DIS3L: variants seen among roughly 807,000 people sequenced by gnomAD.
DIS3L encodes DIS3 like exosome 3'-5' exoribonuclease.
A neutral mutation model predicts 120.3 loss-of-function variants in DIS3L; 100 were observed. That is an observed-to-expected ratio of 0.83 (90% CI 0.71 to 0.98). DIS3L has a LOEUF of 0.98. Among genes scored for constraint, DIS3L ranks in the 50% least tolerant of loss-of-function variants. DIS3L has a pLI of 0.00. For synonymous variants in DIS3L, 426 were observed against 470.6 expected, an observed-to-expected ratio of 0.91 and a Z score of 1.23; for missense variants, 1,196 against 1,314.2, an observed-to-expected ratio of 0.91 and a Z score of 1.39.
In DIS3L at chr15:66,314,032, A is replaced by G; in HGVS notation, c.736-7A>G. On this transcript the variant is annotated splice_region_variant and splice_polypyrimidine_tract_variant and intron_variant, in intron 5 of 16. Transcript: ENST00000319212. Reference sequence around the variant, plus strand: ...TTTCATATTGATTTTTTAAATTATGATTTTAGGGAATTCTGAATGTCAACA... The same window carrying G: ...TTTCATATTGATTTTTTAAATTATGGTTTTAGGGAATTCTGAATGTCAACA... 1 of 1,544,570 alleles carries G rather than the reference A, an allele frequency of 6.5e-7. No individual in the cohort carries two copies. Among genetic ancestry groups the G allele is most frequent in the East Asian group, 2.4e-5 (1 of 41,432 alleles).
At chr15:66,294,483 C>G (rs575243188) in intron 1 of DIS3L, 1 of 986,474 alleles carries the variant, frequency 1.0e-6, no homozygotes, top group Non-Finnish European at 1.2e-6. Flanking sequence ...CTAACCAGCT[C>G]TCAGATGCAG....
rs2092899709 is a variant in DIS3L at position 66,322,833 on chromosome 15, C to T, written c.1473C>T (p.Val491=). 1.2e-6 allele frequency: 2 copies of T among 1,614,056 alleles called. No homozygotes were observed. The highest frequency in any genetic ancestry group is 1.3e-5 in the African/African-American group (1 of 74,924). Residue 491 remains valine (V), a synonymous_variant, in exon 10 of 17, where the codon GTC becomes GTT. Coordinates refer to ENST00000319212, the MANE Select transcript of DIS3L (RefSeq NM_001143688.3). ...AAGATGTGGATGACACACTCTCAGT[C>T]AGAACCTTAAATAATGGCAACCTGG... The part of the protein sequence containing the change: ...GCEDVDDTLS[V]RTLNNGNLEL...
chr15:66,319,918 C>T (rs1363081104), intron 8 of DIS3L, among the ~76,000 whole-genome samples: 1 of 149,274 alleles, frequency 6.7e-6, no homozygotes, highest in African/African-American at 2.5e-5. Context: ...AGTTCAAGAC[C>T]AGCCTGGCCA....
chr15:66,332,903 A>G lies in DIS3L; in HGVS notation c.2849A>G (p.His950Arg), dbSNP rs530652814. ...TCTGTTACGTTCCATTTGTTTGACC[A>G]TGTAACCGTAAGTCTGTGTTTCTAT... ...GESVTFHLFD[H>R]VTVRISIQAS... is the part of the protein sequence containing the mutation. The change falls in exon 16 of 17, where the codon CAT becomes CGT. Residue 950 changes from histidine (H) to arginine (R), a missense_variant. Transcript: ENST00000319212. 6 of 1,610,590 alleles carry G rather than the reference A, an allele frequency of 3.7e-6. No homozygotes were observed. The African/African-American group carries it at 4.0e-5, about 11-fold the overall frequency.
intron 7 of DIS3L, 65 bp from the exon 8 acceptor site, chr15:66,318,383 GT>G: frequency 6.6e-7 from 1 of 1,522,498 alleles, no homozygotes; most frequent in South Asian, 1.2e-5. Flanking sequence ...ACTGCTTGAG[GT>G]GGTCAGAGTC....
intron 14 of DIS3L, chr15:66,331,342 T>A (rs1172294153): frequency 6.6e-6 from 1 of 152,006 alleles, no homozygotes; most frequent in Non-Finnish European, 1.5e-5. Flanking sequence ...GATCACGAGG[T>A]CAGGAGATCA....
Position 66,293,694 on chromosome 15 carries a change from G to T in DIS3L, c.98G>T (p.Cys33Phe). 7.2e-7 allele frequency: 1 copy of T among 1,381,302 alleles called. No individual in the cohort carries two copies. Among genetic ancestry groups the T allele is most frequent in the Non-Finnish European group, 9.4e-7 (1 of 1,061,100 alleles). The allele number at this position is 1,381,302 out of a possible 1,614,324, so 85.6% of individuals were successfully genotyped here. The change falls in exon 1 of 17, where the codon TGC becomes TTC. Residue 33 changes from cysteine (C) to phenylalanine (F), a missense_variant. Coordinates refer to ENST00000319212, the MANE Select transcript of DIS3L (RefSeq NM_001143688.3). Reference sequence around the variant, plus strand: ...CACTACCTGCGGCCCTGCGTGCCCTGCCACAGCCCGCTCTGCCCGCAGCCC... The same window carrying T: ...CACTACCTGCGGCCCTGCGTGCCCTTCCACAGCCCGCTCTGCCCGCAGCCC... ...REHYLRPCVPCHSPLCPQPAA... is the reference protein window; with the variant it reads ...REHYLRPCVPFHSPLCPQPAA...
At chr15:66,297,140 C>T (rs1331233113) in intron 2 of DIS3L, among the ~76,000 whole-genome samples, 1 of 152,138 alleles carries the variant, frequency 6.6e-6, no homozygotes, top group African/African-American at 2.4e-5. Context: ...CTAAATGACC[C>T]AAATTGTCTG....
At chr15:66,329,465 G>A in intron 14 of DIS3L, 66 bp downstream of exon 14, 1 of 1,511,876 alleles carries the variant, frequency 6.6e-7, no homozygotes, top group East Asian at 2.3e-5. Context: ...GCTTTATTGT[G>A]TAGTACCGTG....
chr15:66,306,139 A>G (rs763037154), intron 2 of DIS3L, among the ~76,000 whole-genome samples: 1 of 152,020 alleles, frequency 6.6e-6, no homozygotes, highest in Non-Finnish European at 1.5e-5. Flanking sequence ...CTACCACGCT[A>G]ATTTTTGTAT....
chr15:66,326,063 G>A lies in DIS3L; in HGVS notation c.1900G>A (p.Asp634Asn), dbSNP rs370586532. 25 of 1,613,956 alleles carry A rather than the reference G, an allele frequency of 1.5e-5. No individual in the cohort carries two copies. In the Admixed American group the frequency reaches 1.8e-4, roughly 12 times the overall value. The stretch of plus-strand genomic sequence containing the variant: ...GGTGTGGGCAATTGGAAAGCTGACC[G>A]ACATAGCTCGCCATGTCAGAGCTAA... ...ELVWAIGKLT[D>N]IARHVRAKRD... Residue 634 changes from aspartate to asparagine, a missense_variant, in exon 12 of 17, where the codon GAC (aspartate) becomes AAC (asparagine). By Grantham distance (23) the Asp-to-Asn change is conservative. Coordinates refer to ENST00000319212, the MANE Select transcript of DIS3L (RefSeq NM_001143688.3).
chr15:66,315,848 C>T (rs923411384), intron 7 of DIS3L, among the ~76,000 whole-genome samples: 1 of 152,158 alleles, frequency 6.6e-6, no homozygotes, highest in African/African-American at 2.4e-5. Flanking sequence ...CACCAGTGAC[C>T]CCATTGCCTG....
At position 66,333,286 on chromosome 15, in the gene DIS3L, G is replaced by A. The variant is rs760374929; in HGVS notation, c.3139G>A (p.Asp1047Asn). ...GGAGATACGGGACCTAGCTCTCCTG[G>A]ATGTTTCAAACAATTATGGAATATG... ...LEEIRDLALLDVSNNYGI is the reference protein window; with the variant it reads ...LEEIRDLALLNVSNNYGI Residue 1047 changes from aspartate (D) to asparagine (N), a missense_variant, in exon 17 of 17, where the codon GAT (aspartate) becomes AAT (asparagine). Coordinates refer to ENST00000319212, the MANE Select transcript of DIS3L (RefSeq NM_001143688.3). 7.5e-6 allele frequency: 12 copies of A among 1,604,512 alleles called. No homozygotes were observed. Among genetic ancestry groups the A allele is most frequent in the Non-Finnish European group, 1.0e-5 (12 of 1,177,112 alleles).
At position 66,325,102 on chromosome 15, in the gene DIS3L, T is replaced by C. The variant is rs188767565; in HGVS notation, c.1668-729T>C. Among the ~76,000 whole-genome samples the C allele has an allele frequency of 5.3e-5, 8 of 152,282 alleles. No homozygotes were observed. In the East Asian group the frequency reaches 5.8e-4, roughly 11 times the overall value. Reference sequence around the variant, plus strand: ...CAGTGTCATGCTTTTCTAATCAAAATAGAGGACATGGCCGGGCACGGTGGC... The same window carrying C: ...CAGTGTCATGCTTTTCTAATCAAAACAGAGGACATGGCCGGGCACGGTGGC... On this transcript the variant is annotated intron_variant, in intron 11 of 16. Coordinates refer to ENST00000319212, the MANE Select transcript of DIS3L (RefSeq NM_001143688.3).
chr15:66,329,484 T>C, intron 14 of DIS3L, 85 bp downstream of exon 14: 1 of 1,415,882 alleles, frequency 7.1e-7, no homozygotes, highest in Non-Finnish European at 9.3e-7. Context: ...TGAAGTATCA[T>C]ATATTCTAGC....
intron 2 of DIS3L, 161 bp from the exon 3 acceptor site, chr15:66,306,663 T>C (rs765800005): frequency 3.8e-5 from 37 of 974,244 alleles, no homozygotes; most frequent in Non-Finnish European, 5.2e-5. Flanking sequence ...AGCAGCCCGA[T>C]AGGACTGAGC....
intron 2 of DIS3L, among the ~76,000 whole-genome samples, chr15:66,304,049 C>G (rs1229887529): frequency 1.4e-5 from 2 of 140,694 alleles, no homozygotes; most frequent in Admixed American, 7.6e-5. Flanking sequence ...GAGATTGTGC[C>G]ACTGCACTCC....
At position 66,330,286 on chromosome 15, in the gene DIS3L, A is replaced by G. The variant is rs373760920; in HGVS notation, c.2535+887A>G. The stretch of plus-strand genomic sequence containing the variant: ...CACTCTGGCCTGGGTGACAGAGCGA[A>G]ACTCCGTCTAAAAAAAAAAAATCAC... On this transcript the variant is annotated intron_variant, in intron 14 of 16. Transcript: ENST00000319212. 11 of 985,126 alleles carry G rather than the reference A, an allele frequency of 1.1e-5. No individual in the cohort carries two copies. In the Admixed American group the frequency reaches 1.8e-4, roughly 17 times the overall value. The allele number at this position is 985,126 out of a possible 1,614,324, so 61.0% of individuals were successfully genotyped here.
chr15:66,298,989 G>A (rs1857728076), intron 2 of DIS3L, among the ~76,000 whole-genome samples: 3 of 152,206 alleles, frequency 2.0e-5, no homozygotes, highest in Admixed American at 6.5e-5. Flanking sequence ...GGGATGGGGC[G>A]CCAGGAGAGC....
Sources: gnomAD v4.1 joint callset for allele counts (sites outside exome capture counted in the v4.1 genomes callset) on GRCh38, gnomAD v4.1.1 for gene constraint, MANE v1.5 for transcripts, NCBI Gene and HGNC (gene_info 2026-07-23, HGNC 2026-07-21) for gene names.